The following KCNH7 variants were observed in gnomAD, a reference collection of about 807,000 sequenced individuals.
KCNH7 encodes voltage-gated inwardly rectifying potassium channel KCNH7.
KCNH7 carries 49 observed loss-of-function variants against 120.8 expected under a neutral mutation model. The ratio of observed to expected loss-of-function variants is 0.41; its 90% CI spans 0.32 to 0.51. The LOEUF is 0.51. Ranked by LOEUF, KCNH7 falls within the 20% of genes least tolerant of loss-of-function variation. The pLI is 0.38. For missense variants in KCNH7, 1,097 were observed against 1,446.6 expected, an observed-to-expected ratio of 0.76 and a Z score of 3.92; for synonymous variants, 547 against 516.1, an observed-to-expected ratio of 1.06 and a Z score of -0.81.
intron 4 of KCNH7, among the ~76,000 whole-genome samples, chr2:162,515,499 A>G (rs543641779): frequency 2.0e-5 from 3 of 151,938 alleles, no homozygotes; most frequent in East Asian, 3.9e-4. Context: ...GAATTTTACT[A>G]TACTACTGTT....
chr2:162,612,009 A>T (rs1682986278), intron 2 of KCNH7, among the ~76,000 whole-genome samples: 1 of 152,208 alleles, frequency 6.6e-6, no homozygotes, highest in Non-Finnish European at 1.5e-5. Context: ...ACCAATATAA[A>T]GGATAGAATT....
chr2:162,511,760 A>G (rs1408763155), intron 5 of KCNH7, among the ~76,000 whole-genome samples: 1 of 151,724 alleles, frequency 6.6e-6, no homozygotes, highest in Non-Finnish European at 1.5e-5. Flanking sequence ...TCAGTGTACC[A>G]GTGACATACA....
At chr2:162,742,572 A>T (rs1464684485) in intron 2 of KCNH7, among the ~76,000 whole-genome samples, 5 of 152,206 alleles carry the variant, frequency 3.3e-5, no homozygotes, top group African/African-American at 1.2e-4. Context: ...AAGTTTTAAA[A>T]ATATTTATTC....
intron 5 of KCNH7, among the ~76,000 whole-genome samples, chr2:162,508,332 T>C (rs565192511): frequency 6.6e-6 from 1 of 151,520 alleles, no homozygotes; most frequent in African/African-American, 2.4e-5. Context: ...CTGGGTTTTT[T>C]TTTTTGGCTC....
chr2:162,383,838 C>T (rs1157429124), intron 13 of KCNH7, among the ~76,000 whole-genome samples: 1 of 151,538 alleles, frequency 6.6e-6, no homozygotes, highest in Non-Finnish European at 1.5e-5. Flanking sequence ...ATAACCATAA[C>T]CTCGTTGGTT....
At chr2:162,656,630 A>AT (rs1364851029) in intron 2 of KCNH7, among the ~76,000 whole-genome samples, 1 of 152,190 alleles carries the variant, frequency 6.6e-6, no homozygotes, top group Non-Finnish European at 1.5e-5. Flanking sequence ...AGGGTATGTT[A>AT]TTAGGACACT....
At chr2:162,779,060 T>A (rs769630550) in intron 2 of KCNH7, among the ~76,000 whole-genome samples, 1 of 152,134 alleles carries the variant, frequency 6.6e-6, no homozygotes, top group Non-Finnish European at 1.5e-5. Context: ...TCAACTGTTA[T>A]AATATTCAGT....
intron 5 of KCNH7, among the ~76,000 whole-genome samples, chr2:162,508,868 A>C (rs1055441950): frequency 5.3e-5 from 8 of 151,492 alleles, no homozygotes; most frequent in Non-Finnish European, 1.2e-4. Flanking sequence ...AAAGTAAATA[A>C]ATTTAAAGGA....
intron 3 of KCNH7, among the ~76,000 whole-genome samples, chr2:162,536,360 A>G (rs945646451): frequency 3.9e-5 from 6 of 151,968 alleles, no homozygotes; most frequent in Admixed American, 2.0e-4. Flanking sequence ...TAGAATAAAT[A>G]TAAACTAAAA....
intron 5 of KCNH7, among the ~76,000 whole-genome samples, chr2:162,510,706 C>A (rs1691041754): frequency 6.6e-6 from 1 of 151,420 alleles, no homozygotes. Context: ...AGTGTAGAAA[C>A]CTGCATTTTT....
intron 2 of KCNH7, among the ~76,000 whole-genome samples, chr2:162,642,310 T>A (rs1381876343): frequency 6.6e-6 from 1 of 152,220 alleles, no homozygotes; most frequent in Non-Finnish European, 1.5e-5. Context: ...TACATCATTA[T>A]CTTGCCATTT....
chr2:162,423,250 A>C, intron 9 of KCNH7, 86 bp downstream of exon 9: 1 of 1,607,822 alleles, frequency 6.2e-7, no homozygotes, highest in South Asian at 1.1e-5. Context: ...CAAGGGGTTC[A>C]AAGCTGGTGA....
chr2:162,413,005 T>C (rs1424838085), intron 9 of KCNH7, among the ~76,000 whole-genome samples: 1 of 152,170 alleles, frequency 6.6e-6, no homozygotes, highest in Non-Finnish European at 1.5e-5. Flanking sequence ...TAAAAAGTCA[T>C]ATATTTTTTA....
intron 14 of KCNH7, among the ~76,000 whole-genome samples, chr2:162,374,775 A>C (rs1371815519): frequency 6.6e-6 from 1 of 152,088 alleles, no homozygotes; most frequent in Non-Finnish European, 1.5e-5. Context: ...ACAATAACAC[A>C]TTATTCTTGC....
intron 2 of KCNH7, among the ~76,000 whole-genome samples, chr2:162,632,464 TA>T (rs1443151839): frequency 6.6e-6 from 1 of 152,008 alleles, no homozygotes. Context: ...AAACTGAAAA[TA>T]TTTTTTATCA....
intron 8 of KCNH7, among the ~76,000 whole-genome samples, chr2:162,433,915 A>G (rs1688153045): frequency 6.6e-6 from 1 of 152,070 alleles, no homozygotes; most frequent in Admixed American, 6.6e-5. Context: ...TCTACCAAAA[A>G]GACACATGTA....
At chr2:162,734,900 G>A (rs1265561869) in intron 2 of KCNH7, among the ~76,000 whole-genome samples, 2 of 152,112 alleles carry the variant, frequency 1.3e-5, no homozygotes, top group African/African-American at 4.8e-5. Flanking sequence ...ACAAATGAAA[G>A]CAACAAACTT....
chr2:162,375,808 A>T (rs565698720), intron 14 of KCNH7, among the ~76,000 whole-genome samples: 1 of 150,970 alleles, frequency 6.6e-6, no homozygotes, highest in East Asian at 2.0e-4. Context: ...GCTACTCAGG[A>T]GGCTGAAGTG....
intron 2 of KCNH7, among the ~76,000 whole-genome samples, chr2:162,751,784 C>T (rs916587605): frequency 4.0e-5 from 6 of 151,412 alleles, no homozygotes; most frequent in East Asian, 1.9e-4. Flanking sequence ...TATATTCTAA[C>T]TAAACATTAT....
Sources: allele counts gnomAD v4.1 joint callset (sites outside exome capture counted in the v4.1 genomes callset), GRCh38; gene constraint gnomAD v4.1.1; transcripts MANE v1.5; gene names NCBI Gene and HGNC (gene_info 2026-07-23, HGNC 2026-07-21).